Variants in ATP9B observed in about 807,000 individuals in gnomAD.
The protein encoded by ATP9B is ATPase phospholipid transporting 9B, also known as probable phospholipid-transporting ATPase IIB.
Under a neutral mutation model 146.1 loss-of-function variants are expected in ATP9B, and 110 were observed. That is an observed-to-expected ratio of 0.75 (90% CI 0.65 to 0.88). The LOEUF (loss-of-function observed/expected upper bound fraction) is 0.88. Ranked by LOEUF, ATP9B falls within the 40% of genes least tolerant of loss-of-function variation. The pLI is 0.00. For synonymous variants in ATP9B, 604 were observed against 569.7 expected (o/e 1.06, Z -0.86); for missense variants, 1,499 against 1,496.4 (o/e 1.00, Z -0.03).
intron 9 of ATP9B, among the ~76,000 whole-genome samples, chr18:79,204,617 A>G (rs949091972): frequency 1.3e-5 from 2 of 152,214 alleles, no homozygotes; most frequent in African/African-American, 2.4e-5. Flanking sequence ...GTTGTACTTG[A>G]TAAAGTGGAA....
intron 4 of ATP9B, among the ~76,000 whole-genome samples, chr18:79,116,939 T>TTAAAAAAAAAAAAAAAAAAAAAAAAAAAA (rs2094091585): frequency 1.3e-5 from 1 of 77,984 alleles, no homozygotes; most frequent in Non-Finnish European, 2.6e-5. Flanking sequence ...AAAAAAAAAA[T>TTAAAAAAAAAAAAAAAAAAAAAAAAAAAA]TAAAAAAAAA....
At chr18:79,189,283 G>T (rs2095339325) in intron 8 of ATP9B, among the ~76,000 whole-genome samples, 1 of 152,018 alleles carries the variant, frequency 6.6e-6, no homozygotes, top group African/African-American at 2.4e-5. Flanking sequence ...GGAGGCGGAG[G>T]TTGCAGTGAG....
intron 1 of ATP9B, 26 bp from the exon 2 acceptor site, chr18:79,096,450 C>G (rs368292809): frequency 3.1e-6 from 5 of 1,605,406 alleles, no homozygotes; most frequent in African/African-American, 2.8e-5. Flanking sequence ...TGGCCTATCT[C>G]AGCACTCCAT....
intron 11 of ATP9B, among the ~76,000 whole-genome samples, chr18:79,247,567 G>A (rs2095980363): frequency 6.6e-6 from 1 of 152,030 alleles, no homozygotes; most frequent in Non-Finnish European, 1.5e-5. Context: ...ATAGGTCGGC[G>A]GACAGAGTGA....
chr18:79,220,895 T>G (rs2095670588), intron 11 of ATP9B, among the ~76,000 whole-genome samples: 1 of 152,238 alleles, frequency 6.6e-6, no homozygotes, highest in South Asian at 2.1e-4. Flanking sequence ...CCCTGCTGCC[T>G]CTGACTTGCT....
At chr18:79,308,698 G>A (rs2096633133) in intron 15 of ATP9B, among the ~76,000 whole-genome samples, 1 of 143,978 alleles carries the variant, frequency 6.9e-6, no homozygotes, top group Non-Finnish European at 1.5e-5. Context: ...CCAGCAGGTA[G>A]AAGGTCAGGG....
At chr18:79,158,452 A>G (rs2147705131) in intron 7 of ATP9B, among the ~76,000 whole-genome samples, 1 of 151,792 alleles carries the variant, frequency 6.6e-6, no homozygotes, top group Non-Finnish European at 1.5e-5. Context: ...CACCTGGGTA[A>G]TTTTTAAATT....
At chr18:79,197,275 G>T (rs2095425509) in intron 9 of ATP9B, among the ~76,000 whole-genome samples, 1 of 151,874 alleles carries the variant, frequency 6.6e-6, no homozygotes, top group Non-Finnish European at 1.5e-5. Flanking sequence ...ATAAAATATT[G>T]GTAATGGAGA....
intron 13 of ATP9B, among the ~76,000 whole-genome samples, chr18:79,290,408 AC>A (rs2096490744): frequency 6.6e-6 from 1 of 151,600 alleles, no homozygotes; most frequent in African/African-American, 2.4e-5. Flanking sequence ...GTGGGGTAGG[AC>A]CCTCCGAGCC....
chr18:79,184,502 G>T (rs966168790), intron 8 of ATP9B, among the ~76,000 whole-genome samples: 4 of 150,688 alleles, frequency 2.7e-5, no homozygotes, highest in East Asian at 1.9e-4. Flanking sequence ...CTTGCTTTTG[G>T]TTTTTTTTTA....
intron 2 of ATP9B, among the ~76,000 whole-genome samples, chr18:79,098,820 A>C (rs1459213251): frequency 6.6e-6 from 1 of 152,110 alleles, no homozygotes; most frequent in East Asian, 1.9e-4. Context: ...ATGCTTTTTT[A>C]GTGTCTTTTA....
chr18:79,166,037 GCT>G (rs2147807240), intron 7 of ATP9B, among the ~76,000 whole-genome samples: 1 of 152,204 alleles, frequency 6.6e-6, no homozygotes, highest in Non-Finnish European at 1.5e-5. Context: ...TCCTGGTAGA[GCT>G]GGCTGCTGTC....
chr18:79,269,672 T>G (rs1018502936), intron 12 of ATP9B, among the ~76,000 whole-genome samples: 4 of 152,174 alleles, frequency 2.6e-5, no homozygotes, highest in Non-Finnish European at 5.9e-5. Flanking sequence ...TTTGAAAAAC[T>G]AATTATAGGA....
intron 1 of ATP9B, among the ~76,000 whole-genome samples, chr18:79,084,716 A>T (rs1409514139): frequency 6.6e-6 from 1 of 152,198 alleles, no homozygotes; most frequent in Non-Finnish European, 1.5e-5. Flanking sequence ...CCATTTGAAA[A>T]TGACATTTTG....
At chr18:79,224,026 A>G (rs1568439489) in intron 11 of ATP9B, among the ~76,000 whole-genome samples, 1 of 152,232 alleles carries the variant, frequency 6.6e-6, no homozygotes, top group Non-Finnish European at 1.5e-5. Context: ...AGTTAGCTTT[A>G]CATAAAGTTC....
At chr18:79,077,973 C>CT (rs1022572880) in intron 1 of ATP9B, 1 of 152,156 alleles carries the variant, frequency 6.6e-6, no homozygotes, top group Non-Finnish European at 1.5e-5. Context: ...TTTTTTGAAA[C>CT]TTTAACAGGA....
intron 7 of ATP9B, among the ~76,000 whole-genome samples, chr18:79,160,581 G>A (rs2094863142): frequency 6.6e-6 from 1 of 152,188 alleles, no homozygotes; most frequent in South Asian, 2.1e-4. Context: ...AATTAATTAA[G>A]TGGAAAAGAT....
In ATP9B at chr18:79,082,722, T is replaced by A. The variant is rs144244069; in HGVS notation, c.119+13193T>A. ...CACTCCAGATCCTGTTTACCTGGGT[T>A]TCACCAGCGGAGGTTGCAGAACAGC... is the stretch of plus-strand genomic sequence containing the variant. On this transcript the variant is annotated intron_variant, in intron 1 of 29. Transcript: ENST00000426216. Among the ~76,000 whole-genome samples, 157 of 152,348 alleles carry A rather than the reference T, an allele frequency of 1.0e-3. 5 individuals carry two copies. The East Asian group carries it at 0.029, about 28-fold the overall frequency.
At chr18:79,304,220 T>C (rs1381143051) in intron 14 of ATP9B, among the ~76,000 whole-genome samples, 1 of 152,174 alleles carries the variant, frequency 6.6e-6, no homozygotes, top group Non-Finnish European at 1.5e-5. Flanking sequence ...TCATTATTAT[T>C]ATATTATGAC....
Sources: allele counts gnomAD v4.1 joint callset (sites outside exome capture counted in the v4.1 genomes callset), GRCh38; gene constraint gnomAD v4.1.1; transcripts MANE v1.5; gene names NCBI Gene and HGNC (gene_info 2026-07-23, HGNC 2026-07-21).